TERT: variants seen among roughly 807,000 people sequenced by gnomAD.
TERT encodes the protein telomerase catalytic subunit.
TERT carries 42 observed loss-of-function variants against 104.0 expected under a neutral mutation model. The observed-to-expected ratio is 0.40, with a 90% CI of 0.32 to 0.52. The LOEUF is 0.52. TERT is among the 20% of genes least tolerant of loss of function. The pLI is 0.43. For missense variants in TERT, 1,101 were observed against 1,610.3 expected (o/e 0.68, Z 5.41); for synonymous variants, 781 against 725.6 (o/e 1.08, Z -1.23).
chr5:1,291,724 G>A (rs1277669974), intron 2 of TERT, among the ~76,000 whole-genome samples: 1 of 149,946 alleles, frequency 6.7e-6, no homozygotes. Context: ...GGGACACCTG[G>A]GGGCAACGCC....
chr5:1,278,685 G>A lies in TERT; in HGVS notation c.2242C>T (p.Gln748Ter). 1 of 1,614,172 alleles carries A rather than the reference G, an allele frequency of 6.2e-7. No individual in the cohort carries two copies. The highest frequency in any genetic ancestry group is 8.5e-7 in the Non-Finnish European group (1 of 1,180,056). The change falls in exon 6 of 16, where the codon CAG (glutamine) becomes TAG (stop). Residue 748 changes from glutamine (Q) to a stop codon, truncating the protein, a stop_gained. Coordinates refer to ENST00000310581, the MANE Select transcript of TERT (RefSeq NM_198253.3). LOFTEE classifies it high-confidence loss of function. ...CGGACGTGCCCATGGGCGGCCTTCT[G>A]GACCACGGCATACCGACGCACGCAG... ...TYCVRRYAVVQKAAHGHVRKA... is the reference protein window; with the variant it reads ...TYCVRRYAVV
Position 1,294,943 on chromosome 5 carries a change from C to A in TERT, c.47G>T (p.Ser16Ile). 1.4e-6 allele frequency: 2 copies of A among 1,411,692 alleles called. No homozygotes were observed. The highest frequency in any genetic ancestry group is 2.9e-5 in the Admixed American group (1 of 34,080). The allele number at this position is 1,411,692 out of a possible 1,614,324, so 87.4% of individuals were successfully genotyped here. A position where few individuals can be genotyped will look rare whatever the true frequency, so the allele number is the denominator to read the frequency against. ...RCRAVRSLLRSHYREVLPLAT... is the reference protein window; with the variant it reads ...RCRAVRSLLRIHYREVLPLAT... ...CAGCGGCAGCACCTCGCGGTAGTGG[C>A]TGCGCAGCAGGGAGCGCACGGCTCG... Residue 16 changes from serine (S) to isoleucine (I), a missense_variant, in exon 1 of 16, where the codon AGC becomes ATC. Coordinates refer to ENST00000310581, the MANE Select transcript of TERT (RefSeq NM_198253.3).
chr5:1,289,216 TC>T (rs1750696308), intron 2 of TERT, among the ~76,000 whole-genome samples: 2 of 139,076 alleles, frequency 1.4e-5, no homozygotes, highest in African/African-American at 5.5e-5. Flanking sequence ...GGACGGCGCC[TC>T]ACTCACCCTA....
At position 1,254,450 on chromosome 5, in the gene TERT, C is replaced by A. The variant is rs1579542670; in HGVS notation, c.3213G>T (p.Gln1071His). ...AAGPLPSEAV[Q>H]WLCHQAFLLK... Reference sequence around the variant, plus strand: ...GCAGGAATGCTTGGTGGCACAGCCACTGCACGGCCTCGGAGGGCAGAGGGC... The same window carrying A: ...GCAGGAATGCTTGGTGGCACAGCCAATGCACGGCCTCGGAGGGCAGAGGGC... The change falls in exon 15 of 16, where the codon CAG becomes CAT. Residue 1071 changes from glutamine to histidine, a missense_variant. Physicochemically the swap from Gln to His is conservative, Grantham distance 24. Transcript: ENST00000310581. 1.2e-6 allele frequency: 2 copies of A among 1,613,106 alleles called. No homozygotes were observed. Among genetic ancestry groups the A allele is most frequent in the East Asian group, 4.5e-5 (2 of 44,864 alleles).
In TERT at chr5:1,256,017, T is replaced by C. The variant is rs1286857678; in HGVS notation, c.3033-606A>G. On this transcript the variant is annotated intron_variant, in intron 13 of 15. Transcript: ENST00000310581. This position sits in a 1 kb window ranked among gnomAD's most constrained non-coding sequence, Gnocchi z 7.0. Reference sequence around the variant, plus strand: ...CAAGAAACTGCATTTGTCAGTCTTCTTTGTTGTTGTTGAGATGGGCTCTCA... The same window carrying C: ...CAAGAAACTGCATTTGTCAGTCTTCCTTGTTGTTGTTGAGATGGGCTCTCA... Among the ~76,000 whole-genome samples the C allele has an allele frequency of 6.6e-6, 1 of 152,018 alleles. No individual in the cohort carries two copies. Among genetic ancestry groups the C allele is most frequent in the African/African-American group, 2.4e-5 (1 of 41,360 alleles).
Position 1,263,059 on chromosome 5 carries a change from C to A in TERT, c.2843+1345G>T, listed in dbSNP as rs1220468763. Among the ~76,000 whole-genome samples, 1 of 152,158 alleles carries A rather than the reference C, an allele frequency of 6.6e-6. No homozygotes were observed. Among genetic ancestry groups the A allele is most frequent in the Non-Finnish European group, 1.5e-5 (1 of 68,022 alleles). ...AGCTGCAACAGGGACATGCTGGGCA[C>A]CATGCACAAGGGTGTCTGCACCTGC... On this transcript the variant is annotated intron_variant, in intron 11 of 15. Transcript: ENST00000310581. This position sits in a 1 kb window ranked among gnomAD's most constrained non-coding sequence, Gnocchi z 5.3.
In TERT at chr5:1,295,010, G is replaced by A. The variant is rs2126693360; in HGVS notation, c.-21C>T. 3 of 1,299,376 alleles carry A rather than the reference G, an allele frequency of 2.3e-6. No homozygotes were observed. Among genetic ancestry groups the A allele is most frequent in the Non-Finnish European group, 2.9e-6 (3 of 1,027,650 alleles). The allele number at this position is 1,299,376 out of a possible 1,614,324, so 80.5% of individuals were successfully genotyped here. A position where few individuals can be genotyped will look rare whatever the true frequency, so the allele number is the denominator to read the frequency against. On this transcript the variant is annotated 5_prime_UTR_variant, in exon 1 of 16. Coordinates refer to ENST00000310581, the MANE Select transcript of TERT (RefSeq NM_198253.3). ...GGCATCGCGGGGGTGGCCGGGGCCA[G>A]GGCTTCCCACGTGCGCAGCAGGACG...
At chr5:1,290,926 G>A (rs74198162) in intron 2 of TERT, among the ~76,000 whole-genome samples, 2,201 of 87,914 alleles carry the variant, frequency 0.025, no homozygotes, top group South Asian at 0.07. Context: ...AGGGACACCC[G>A]GGGGCCGTGC....
At chr5:1,279,259 C>T (rs1749837010) in intron 5 of TERT, 32 bp downstream of exon 5, 2 of 1,553,004 alleles carry the variant, frequency 1.3e-6, no homozygotes, top group South Asian at 1.2e-5. Flanking sequence ...CAAGGTCCAG[C>T]AGGGCTGCTC....
Position 1,294,990 on chromosome 5 carries a change from C to G in TERT, c.-1G>C, listed in dbSNP as rs1751303856. On this transcript the variant is annotated 5_prime_UTR_variant, in exon 1 of 16. Coordinates refer to ENST00000310581, the MANE Select transcript of TERT (RefSeq NM_198253.3). ...CTCGGCAGCGGGGAGCGCGCGGCAT[C>G]GCGGGGGTGGCCGGGGCCAGGGCTT... The G allele has an allele frequency of 7.6e-7, 1 of 1,317,240 alleles. No individual in the cohort carries two copies. The highest frequency in any genetic ancestry group is 9.6e-7 in the Non-Finnish European group (1 of 1,041,358). 81.6% of individuals were successfully genotyped at this position (1,317,240 alleles called of 1,614,324 possible).
rs1033959815 is a variant in TERT at position 1,294,963 on chromosome 5, G to C, written c.27C>G (p.Ala9=). 11 of 1,349,914 alleles carry C rather than the reference G, an allele frequency of 8.1e-6. No individual in the cohort carries two copies. The highest frequency in any genetic ancestry group is 8.5e-6 in the Non-Finnish European group (9 of 1,057,678). 83.6% of individuals were successfully genotyped at this position (1,349,914 alleles called of 1,614,324 possible). The part of the protein sequence containing the change: MPRAPRCR[A]VRSLLRSHYR... ...AGTGGCTGCGCAGCAGGGAGCGCAC[G>C]GCTCGGCAGCGGGGAGCGCGCGGCA... Residue 9 remains alanine (A), a synonymous_variant, in exon 1 of 16, where the codon GCC becomes GCG. Coordinates refer to ENST00000310581, the MANE Select transcript of TERT (RefSeq NM_198253.3).
chr5:1,293,613 C>T lies in TERT; in HGVS notation c.1273G>A (p.Val425Ile). 6.5e-7 allele frequency: 1 copy of T among 1,549,938 alleles called. No individual in the cohort carries two copies. The highest frequency in any genetic ancestry group is 8.7e-7 in the Non-Finnish European group (1 of 1,146,236). ...LRAAVTPAAGVCAREKPQGSV... is the reference protein window; with the variant it reads ...LRAAVTPAAGICAREKPQGSV... Reference sequence around the variant, plus strand: ...CCCTGGGGCTTCTCCCGGGCACAGACACCGGCTGCTGGGGTGACCGCAGCT... The same window carrying T: ...CCCTGGGGCTTCTCCCGGGCACAGATACCGGCTGCTGGGGTGACCGCAGCT... Residue 425 changes from valine (V) to isoleucine (I), a missense_variant, in exon 2 of 16, where the codon GTC (valine) becomes ATC (isoleucine). This residue lies in a region of TERT where 504 missense variants were observed against 544.6 expected (regional missense o/e 0.93). Transcript: ENST00000310581.
At chr5:1,283,744 G>T (rs1434984179) in intron 2 of TERT, among the ~76,000 whole-genome samples, 1 of 128,902 alleles carries the variant, frequency 7.8e-6, no homozygotes, top group African/African-American at 3.0e-5. Flanking sequence ...TGCAGACACC[G>T]CACATCCAGC....
chr5:1,283,493 CG>C (rs1292442607), intron 2 of TERT, among the ~76,000 whole-genome samples: 7 of 142,420 alleles, frequency 4.9e-5, no homozygotes, highest in East Asian at 2.2e-4. Context: ...CTGCACCATC[CG>C]GACACCGCAT....
At chr5:1,271,511 G>A (rs865868904) in intron 7 of TERT, among the ~76,000 whole-genome samples, 7 of 152,162 alleles carry the variant, frequency 4.6e-5, no homozygotes, top group Non-Finnish European at 8.8e-5. Context: ...CCAGCTGCCG[G>A]GCACAGGGTC....
rs1460637817 is a variant in TERT, at chr5:1,269,485, C to T, written c.2469-852G>A. ...ATTAGCCAGGCGCAGGGGGTGGGTGCCTGTAATCTCAGCTGCTCGGGAGGC... is the reference window on the plus strand; with the variant it reads ...ATTAGCCAGGCGCAGGGGGTGGGTGTCTGTAATCTCAGCTGCTCGGGAGGC... On this transcript the variant is annotated intron_variant, in intron 8 of 15. Transcript: ENST00000310581. This position sits in a 1 kb window ranked among gnomAD's most constrained non-coding sequence, Gnocchi z 9.0. Among the ~76,000 whole-genome samples the T allele has an allele frequency of 1.3e-5, 2 of 152,026 alleles. No homozygotes were observed. Among genetic ancestry groups the T allele is most frequent in the South Asian group, 2.1e-4 (1 of 4,820 alleles).
rs202166769 is a variant in TERT at position 1,254,483 on chromosome 5, G to A, written c.3180C>T (p.Gly1060=). 4.2e-5 allele frequency: 67 copies of A among 1,612,440 alleles called. 1 individual carries two copies. Among genetic ancestry groups the A allele is most frequent in the South Asian group, 2.0e-4 (18 of 91,042 alleles). The change falls in exon 15 of 16, where the codon GGC becomes GGT. Residue 1060 remains glycine, a synonymous_variant. Transcript: ENST00000310581. ...KNAGMSLGAK[G]AAGPLPSEAV... ...CCTCGGAGGGCAGAGGGCCGGCGGC[G>A]CCCTTGGCCCCCAGCGACATCCCTG... is the stretch of plus-strand genomic sequence containing the variant.
intron 9 of TERT, among the ~76,000 whole-genome samples, chr5:1,267,560 AG>A (rs1354702017): frequency 1.3e-5 from 2 of 152,256 alleles, no homozygotes; most frequent in African/African-American, 4.8e-5. Context: ...CACTATTCAC[AG>A]TAGCAAAGAC....
chr5:1,289,440 C>T (rs1750724653), intron 2 of TERT, among the ~76,000 whole-genome samples: 1 of 95,918 alleles, frequency 1.0e-5, no homozygotes, highest in African/African-American at 4.2e-5. Flanking sequence ...TCACCCTACA[C>T]GTGACAGGGA....
Sources: allele counts gnomAD v4.1 joint callset (sites outside exome capture counted in the v4.1 genomes callset), GRCh38; gene constraint gnomAD v4.1.1; regional missense constraint gnomAD v4.1.1; non-coding constraint Gnocchi (gnomAD v3.1); transcripts MANE v1.5; gene names NCBI Gene and HGNC (gene_info 2026-07-23, HGNC 2026-07-21).